The following RYR2 variants were observed in gnomAD, a reference collection of about 807,000 sequenced individuals.
RYR2 encodes the protein cardiac muscle ryanodine receptor-calcium release channel.
A neutral mutation model predicts 601.1 loss-of-function variants in RYR2; 227 were observed. The observed-to-expected ratio is 0.38, with a 90% CI of 0.34 to 0.42. The LOEUF (loss-of-function observed/expected upper bound fraction) is 0.42. Ranked by LOEUF, RYR2 falls within the 10% of genes least tolerant of loss-of-function variation. The probability of loss-of-function intolerance (pLI) is 1.00; values close to 1 mark genes in which losing one functional copy is unlikely to be tolerated. For synonymous variants in RYR2, 2,223 were observed against 2,175.1 expected (o/e 1.02, Z -0.61); for missense variants, 4,646 against 6,156.5 (o/e 0.75, Z 8.21).
intron 100 of RYR2, among the ~76,000 whole-genome samples, chr1:237,817,978 A>T (rs1662024882): frequency 6.6e-6 from 1 of 152,212 alleles, no homozygotes; most frequent in Non-Finnish European, 1.5e-5. Flanking sequence ...AAGAATGGAA[A>T]AGCCTATTGC....
intron 1 of RYR2, among the ~76,000 whole-genome samples, chr1:237,110,512 G>A (rs1046212390): frequency 2.0e-5 from 3 of 150,170 alleles, no homozygotes; most frequent in Admixed American, 1.3e-4. Context: ...GAGAACATGC[G>A]GTGTATGGTT....
At chr1:237,156,702 T>A (rs1023233144) in intron 1 of RYR2, among the ~76,000 whole-genome samples, 2 of 152,178 alleles carry the variant, frequency 1.3e-5, no homozygotes, top group Non-Finnish European at 2.9e-5. Flanking sequence ...TAGTAATATG[T>A]AGAATGTGGT....
chr1:237,116,158 G>C (rs1488799559), intron 1 of RYR2, among the ~76,000 whole-genome samples: 1 of 152,194 alleles, frequency 6.6e-6, no homozygotes, highest in Admixed American at 6.5e-5. Context: ...CCTGCAGGGA[G>C]GGGAGAGCAG....
intron 1 of RYR2, among the ~76,000 whole-genome samples, chr1:237,157,956 C>T (rs1675583220): frequency 6.6e-6 from 1 of 152,160 alleles, no homozygotes; most frequent in Non-Finnish European, 1.5e-5. Context: ...CTGATTTCAT[C>T]ATTATACATT....
At chr1:237,815,975 T>A (rs560709493) in intron 100 of RYR2, among the ~76,000 whole-genome samples, 2 of 152,252 alleles carry the variant, frequency 1.3e-5, no homozygotes, top group East Asian at 3.9e-4. Flanking sequence ...TCAGCAGGAA[T>A]CACCAAGAGG....
intron 101 of RYR2, 134 bp from the exon 102 acceptor site, chr1:237,828,247 T>C (rs181863590): frequency 3.5e-6 from 2 of 578,280 alleles, no homozygotes; most frequent in South Asian, 5.1e-5. Flanking sequence ...GTATCGGATA[T>C]GTAGTCACGT....
intron 16 of RYR2, among the ~76,000 whole-genome samples, chr1:237,462,154 C>A (rs1251809418): frequency 6.6e-6 from 1 of 152,092 alleles, no homozygotes; most frequent in African/African-American, 2.4e-5. Context: ...AATATTAACT[C>A]CAAATTTGTT....
In RYR2 at chr1:237,832,776, C is replaced by T. The variant is rs16835891; in HGVS notation, c.*129C>T. The stretch of plus-strand genomic sequence containing the variant: ...AGCGTTGTGTGTTTTCTGGGAGCAT[C>T]GAAGCTCTGTTTCGGAAGAGCTGTT... On this transcript the variant is annotated 3_prime_UTR_variant, in exon 105 of 105. Coordinates refer to ENST00000366574, the MANE Select transcript of RYR2 (RefSeq NM_001035.3). 2.7e-5 allele frequency: 15 copies of T among 552,310 alleles called. No individual in the cohort carries two copies. Among genetic ancestry groups the T allele is most frequent in the African/African-American group, 7.6e-5 (4 of 52,672 alleles). The allele number at this position is 552,310 out of a possible 1,614,324, so 34.2% of individuals were successfully genotyped here.
At chr1:237,802,529 C>A (rs1440932031) in intron 98 of RYR2, among the ~76,000 whole-genome samples, 1 of 152,180 alleles carries the variant, frequency 6.6e-6, no homozygotes, top group Non-Finnish European at 1.5e-5. Context: ...ATCCTTATCC[C>A]TTCCCTCATC....
In RYR2 at chr1:237,355,625, GAGT is replaced by G. The variant is rs199657189; in HGVS notation, c.274-333_274-331del. On this transcript the variant is annotated intron_variant, in intron 3 of 104. Coordinates refer to ENST00000366574, the MANE Select transcript of RYR2 (RefSeq NM_001035.3). ...TAAATCAGTTTTTATAATTAGAGGA[GAGT>G]AGTAGTTCTTAAATCAGAAGGCCTA... Among the ~76,000 whole-genome samples, 550 of 152,230 alleles carry G rather than the reference GAGT, an allele frequency of 3.6e-3. 6 individuals are homozygous for G. The highest frequency in any genetic ancestry group is 9.8e-3 in the African/African-American group (409 of 41,554).
intron 17 of RYR2, among the ~76,000 whole-genome samples, chr1:237,474,850 G>A (rs1285265208): frequency 1.3e-5 from 2 of 152,170 alleles, no homozygotes; most frequent in Non-Finnish European, 2.9e-5. Context: ...CTGAGTGGTC[G>A]ATGGCATGGA....
At chr1:237,799,479 G>A (rs1444851605) in intron 97 of RYR2, among the ~76,000 whole-genome samples, 1 of 151,786 alleles carries the variant, frequency 6.6e-6, no homozygotes, top group East Asian at 1.9e-4. Flanking sequence ...TTTTAAATTG[G>A]CATAGTTTTC....
At chr1:237,650,235 T>A in intron 50 of RYR2, 138 bp downstream of exon 50, 2 of 772,574 alleles carry the variant, frequency 2.6e-6, no homozygotes, top group Non-Finnish European at 4.2e-6. Flanking sequence ...TCCCATATAC[T>A]GAGGTATGAG....
chr1:237,584,154 C>A (rs1191982043), intron 29 of RYR2, among the ~76,000 whole-genome samples: 1 of 152,070 alleles, frequency 6.6e-6, no homozygotes, highest in Non-Finnish European at 1.5e-5. Context: ...GAAGGTGGGA[C>A]CCATATTTTA....
intron 84 of RYR2, among the ~76,000 whole-genome samples, chr1:237,763,283 C>G (rs140022133): frequency 5.4e-4 from 82 of 152,280 alleles, no homozygotes; most frequent in African/African-American, 1.9e-3. Flanking sequence ...CCCTAGTCTC[C>G]CTGTGGCGTT....
intron 36 of RYR2, among the ~76,000 whole-genome samples, chr1:237,613,655 C>T (rs1391291124): frequency 6.6e-6 from 1 of 152,072 alleles, no homozygotes; most frequent in East Asian, 1.9e-4. Context: ...ACTATGCAGC[C>T]ATTAAACATG....
intron 37 of RYR2, 113 bp from the exon 38 acceptor site, chr1:237,617,173 G>C: frequency 1.0e-6 from 1 of 990,306 alleles, no homozygotes. Context: ...TCAGGATTCT[G>C]TTTCTAAGAG....
intron 10 of RYR2, among the ~76,000 whole-genome samples, chr1:237,394,753 A>G (rs567158667): frequency 5.3e-5 from 8 of 152,170 alleles, no homozygotes; most frequent in Non-Finnish European, 1.0e-4. Flanking sequence ...CCCTGCCACT[A>G]TCTTTCTGGA....
At chr1:237,647,757 A>T (rs1238342815) in intron 48 of RYR2, among the ~76,000 whole-genome samples, 2 of 152,186 alleles carry the variant, frequency 1.3e-5, no homozygotes, top group Admixed American at 1.3e-4. Flanking sequence ...ACAGGAAGTA[A>T]ATAAATTCTT....
Sources: allele counts gnomAD v4.1 joint callset (sites outside exome capture counted in the v4.1 genomes callset), GRCh38; gene constraint gnomAD v4.1.1; transcripts MANE v1.5; gene names NCBI Gene and HGNC (gene_info 2026-07-23, HGNC 2026-07-21).